ANKHD1: variants seen among roughly 807,000 people sequenced by gnomAD.
ANKHD1 encodes ankyrin repeat and KH domain containing 1.
In ANKHD1, 31 loss-of-function variants were observed where a neutral mutation model predicts 230.5. That is an observed-to-expected ratio of 0.13 (90% CI 0.10 to 0.18). The LOEUF is 0.18. Among genes scored for constraint, ANKHD1 ranks in the 10% least tolerant of loss-of-function variants. ANKHD1 has a pLI of 1.00. For missense variants in ANKHD1, 2,256 were observed against 3,071.3 expected, an observed-to-expected ratio of 0.73 and a Z score of 6.27; for synonymous variants, 1,074 against 1,117.6, an observed-to-expected ratio of 0.96 and a Z score of 0.78.
chr5:140,498,872 A>G (rs1752154495), intron 15 of ANKHD1, among the ~76,000 whole-genome samples: 1 of 151,132 alleles, frequency 6.6e-6, no homozygotes, highest in South Asian at 2.1e-4. Flanking sequence ...TTTTTTAAAG[A>G]ATGTAGAAAT....
In ANKHD1 at chr5:140,505,827, G is replaced by A; in HGVS notation, c.3366G>A (p.Lys1122=). The part of the protein sequence containing the change: ...GDIEAQSERT[K]DTPLSLACSG... ...TAGAAGCACAGTCTGAACGAACTAA[G>A]GATACTCCGCTTTCATTGGCATGTT... Residue 1122 remains lysine, a synonymous_variant, in exon 18 of 34, where the codon AAG becomes AAA. Coordinates refer to ENST00000360839, the MANE Select transcript of ANKHD1 (RefSeq NM_017747.3). The A allele has an allele frequency of 6.2e-7, 1 of 1,606,836 alleles. No individual in the cohort carries two copies. Among genetic ancestry groups the A allele is most frequent in the Non-Finnish European group, 8.5e-7 (1 of 1,177,734 alleles).
chr5:140,421,271 T>C (rs1383095070), intron 1 of ANKHD1, among the ~76,000 whole-genome samples: 1 of 149,188 alleles, frequency 6.7e-6, no homozygotes, highest in Non-Finnish European at 1.5e-5. Flanking sequence ...GAATAAACTA[T>C]AAAACATGGT....
intron 5 of ANKHD1, among the ~76,000 whole-genome samples, chr5:140,443,608 A>G (rs957365564): frequency 6.6e-6 from 1 of 151,706 alleles, no homozygotes; most frequent in Non-Finnish European, 1.5e-5. Context: ...GGAGAATGGC[A>G]TGAACCCAGG....
Position 140,459,211 on chromosome 5 carries a change from A to G in ANKHD1, c.1528A>G (p.Thr510Ala). ...QTEETQETAL[T>A]LACCGGFSEV... ...AGAAGAAACTCAAGAAACTGCTCTT[A>G]CTTTGGCTTGCTGTGGAGGATTTTC... Residue 510 changes from threonine (T) to alanine (A), a missense_variant, in exon 9 of 34, where the codon ACT becomes GCT. This residue lies in a region of ANKHD1 where 179 missense variants were observed against 261.8 expected (regional missense o/e 0.68). Transcript: ENST00000360839. 1 of 1,600,540 alleles carries G rather than the reference A, an allele frequency of 6.2e-7. No individual in the cohort carries two copies. The highest frequency in any genetic ancestry group is 8.5e-7 in the Non-Finnish European group (1 of 1,170,600).
intron 1 of ANKHD1, among the ~76,000 whole-genome samples, chr5:140,428,487 CCAGT>C (rs970584533): frequency 2.0e-5 from 3 of 152,002 alleles, no homozygotes; most frequent in Non-Finnish European, 4.4e-5. Flanking sequence ...AACACGAAAA[CCAGT>C]CAGGCGTGGT....
intron 24 of ANKHD1, among the ~76,000 whole-genome samples, chr5:140,520,158 G>A (rs1254484613): frequency 1.3e-5 from 2 of 152,042 alleles, no homozygotes; most frequent in Non-Finnish European, 2.9e-5. Context: ...CATTTATGCA[G>A]CCAAAAAACA....
rs1304640152 is a variant in ANKHD1, at chr5:140,529,338, C to T, written c.6392C>T (p.Pro2131Leu). 1 of 1,614,200 alleles carries T rather than the reference C, an allele frequency of 6.2e-7. No individual in the cohort carries two copies. The highest frequency in any genetic ancestry group is 2.2e-5 in the East Asian group (1 of 44,890). The change falls in exon 29 of 34, where the codon CCT becomes CTT. Residue 2131 changes from proline (P) to leucine (L), a missense_variant. Around this residue, in one of 13 missense-constraint regions of ANKHD1, gnomAD observed 778 missense variants for 966.5 expected, o/e 0.80. Transcript: ENST00000360839. ...TTACCTCAGTTAGCTGTACCAGCAC[C>T]TCGAGTTTCTCATCGAATGCAGCCC... Reference protein sequence around the residue: ...SNLPQLAVPAPRVSHRMQPRG... With the variant: ...SNLPQLAVPALRVSHRMQPRG...
intron 1 of ANKHD1, among the ~76,000 whole-genome samples, chr5:140,418,513 C>T (rs907156127): frequency 2.7e-4 from 41 of 152,096 alleles, no homozygotes; most frequent in Non-Finnish European, 1.2e-4. Context: ...ACACTTTTAT[C>T]ACTCCCAAAA....
intron 1 of ANKHD1, among the ~76,000 whole-genome samples, chr5:140,415,150 G>T (rs910706682): frequency 3.9e-5 from 6 of 151,948 alleles, no homozygotes; most frequent in Non-Finnish European, 7.4e-5. Flanking sequence ...TTGGGGGGCC[G>T]AGGCGGGCCG....
chr5:140,470,907 A>G (rs1776449389), intron 10 of ANKHD1, among the ~76,000 whole-genome samples: 1 of 152,062 alleles, frequency 6.6e-6, no homozygotes, highest in African/African-American at 2.4e-5. Flanking sequence ...GATTACAAGT[A>G]TGAGCCACCA....
At chr5:140,467,889 A>G (rs1000302616) in intron 10 of ANKHD1, among the ~76,000 whole-genome samples, 1 of 151,966 alleles carries the variant, frequency 6.6e-6, no homozygotes, top group South Asian at 2.1e-4. Flanking sequence ...CTTGTCCTTC[A>G]TTCTTTGCTG....
At chr5:140,447,028 GC>G (rs1361601205) in intron 6 of ANKHD1, among the ~76,000 whole-genome samples, 1 of 152,000 alleles carries the variant, frequency 6.6e-6, no homozygotes, top group African/African-American at 2.4e-5. Flanking sequence ...TCCTGTCTCA[GC>G]CTCCCTAGTA....
intron 3 of ANKHD1, 98 bp from the exon 4 acceptor site, chr5:140,440,021 A>G: frequency 1.5e-6 from 2 of 1,335,828 alleles, no homozygotes; most frequent in Middle Eastern, 2.3e-4. Context: ...TACTGCATTA[A>G]CATTTTTCTT....
At chr5:140,409,258 T>C (rs756268678) in intron 1 of ANKHD1, among the ~76,000 whole-genome samples, 1 of 152,236 alleles carries the variant, frequency 6.6e-6, no homozygotes. Context: ...CTGAAAGGTT[T>C]AATATAAAAC....
At chr5:140,476,076 CTA>C (rs991046590) in intron 10 of ANKHD1, among the ~76,000 whole-genome samples, 3 of 151,908 alleles carry the variant, frequency 2.0e-5, no homozygotes, top group Non-Finnish European at 2.9e-5. Flanking sequence ...TAAAATAAAA[CTA>C]AAAGTTTTGG....
At chr5:140,410,592 TAAATA>T (rs1770849918) in intron 1 of ANKHD1, among the ~76,000 whole-genome samples, 1 of 152,180 alleles carries the variant, frequency 6.6e-6, no homozygotes, top group African/African-American at 2.4e-5. Flanking sequence ...AAAGTTGTAA[TAAATA>T]AAATCAATTC....
At chr5:140,410,956 T>C (rs1349177580) in intron 1 of ANKHD1, among the ~76,000 whole-genome samples, 5 of 152,000 alleles carry the variant, frequency 3.3e-5, no homozygotes, top group Non-Finnish European at 5.9e-5. Flanking sequence ...CTGGTAAAGG[T>C]GGGATTTGAA....
At chr5:140,418,521 A>G (rs553157858) in intron 1 of ANKHD1, among the ~76,000 whole-genome samples, 2 of 152,202 alleles carry the variant, frequency 1.3e-5, no homozygotes, top group East Asian at 1.9e-4. Context: ...ATCACTCCCA[A>G]AAGAAGCCGT....
chr5:140,453,140 A>C (rs1774884356), intron 7 of ANKHD1, among the ~76,000 whole-genome samples: 1 of 152,236 alleles, frequency 6.6e-6, no homozygotes, highest in African/African-American at 2.4e-5. Flanking sequence ...CAAATGAATG[A>C]AATGAAGCGA....
Sources: allele counts gnomAD v4.1 joint callset (sites outside exome capture counted in the v4.1 genomes callset), GRCh38; gene constraint gnomAD v4.1.1; regional missense constraint gnomAD v4.1.1; transcripts MANE v1.5; gene names NCBI Gene and HGNC (gene_info 2026-07-23, HGNC 2026-07-21).